L3MBTL4: variants seen among roughly 807,000 people sequenced by gnomAD.
L3MBTL4 encodes the protein L3MBTL histone methyl-lysine binding protein 4, also known as lethal(3)malignant brain tumor-like protein 4.
In L3MBTL4, 70 loss-of-function variants were observed where a neutral mutation model predicts 84.5. That is an observed-to-expected ratio of 0.83 (90% confidence interval 0.68 to 1.01). The LOEUF is 1.01. Ranked by LOEUF, L3MBTL4 falls within the 50% of genes least tolerant of loss-of-function variation. The pLI, the probability that L3MBTL4 is intolerant of heterozygous loss-of-function variation, is 0.00. For missense variants in L3MBTL4, 715 were observed against 754.8 expected, an observed-to-expected ratio of 0.95 and a Z score of 0.62; for synonymous variants, 274 against 259.8, an observed-to-expected ratio of 1.05 and a Z score of -0.52.
intron 5 of L3MBTL4, among the ~76,000 whole-genome samples, chr18:6,250,274 A>T (rs75777644): frequency 0.01 from 1,594 of 152,350 alleles, 28 homozygotes; most frequent in African/African-American, 0.037. Flanking sequence ...GGGCCATAAC[A>T]TGAGGAAAAA....
intron 12 of L3MBTL4, among the ~76,000 whole-genome samples, chr18:6,181,750 G>C (rs894524698): frequency 2.6e-5 from 4 of 151,854 alleles, no homozygotes; most frequent in Admixed American, 6.5e-5. Flanking sequence ...TTATAAGTGA[G>C]AATACGTGGT....
chr18:6,074,619 A>G (rs888615845), intron 16 of L3MBTL4, among the ~76,000 whole-genome samples: 12 of 152,222 alleles, frequency 7.9e-5, no homozygotes, highest in Non-Finnish European at 1.8e-4. Flanking sequence ...TGGTAAATGA[A>G]GCCTGACTAT....
intron 1 of L3MBTL4, chr18:6,396,055 A>C (rs767861232): frequency 3.3e-5 from 5 of 152,224 alleles, no homozygotes; most frequent in Non-Finnish European, 5.9e-5. Flanking sequence ...GAGAAAAAAA[A>C]TAAGAAAGAA....
chr18:6,124,378 A>T (rs1047556715), intron 14 of L3MBTL4, among the ~76,000 whole-genome samples: 1 of 150,416 alleles, frequency 6.6e-6, no homozygotes. Flanking sequence ...TTTAATGAAA[A>T]AAACTATATA....
At chr18:6,151,603 C>T (rs1276716267) in intron 13 of L3MBTL4, among the ~76,000 whole-genome samples, 2 of 152,194 alleles carry the variant, frequency 1.3e-5, no homozygotes, top group African/African-American at 4.8e-5. Context: ...CCATGTTGTC[C>T]AGGCAGGTCT....
At chr18:6,366,211 AT>A (rs1380919378) in intron 1 of L3MBTL4, among the ~76,000 whole-genome samples, 2 of 152,238 alleles carry the variant, frequency 1.3e-5, no homozygotes, top group Non-Finnish European at 2.9e-5. Context: ...CAGACAAGTA[AT>A]TTAATATGTA....
rs151009903 is a variant in L3MBTL4 at position 6,014,402 on chromosome 18, C to T, written c.1445-44840G>A. ...AATTGTTACTGAGCACACAATTATG[C>T]AAGCAACTACAATACAGAATGGTAA... is the stretch of plus-strand genomic sequence containing the variant. On this transcript the variant is annotated intron_variant, in intron 16 of 18. Coordinates refer to ENST00000317931, the MANE Select transcript of L3MBTL4 (RefSeq NM_001330559.2). Among the ~76,000 whole-genome samples the T allele has an allele frequency of 3.0e-3, 461 of 152,230 alleles. 2 individuals are homozygous for T. Among genetic ancestry groups the T allele is most frequent in the African/African-American group, 0.01 (432 of 41,540 alleles).
Position 5,955,597 on chromosome 18 carries a change from T to C in L3MBTL4, c.*623A>G, listed in dbSNP as rs900887211. On this transcript the variant is annotated 3_prime_UTR_variant, in exon 19 of 19. Coordinates refer to ENST00000317931, the MANE Select transcript of L3MBTL4 (RefSeq NM_001330559.2). ...TCCTTTGTGGAGGCTCCAGGAAAGC[T>C]TGGGAGCACAACCAAGAAATGGTTA... The C allele has an allele frequency of 2.0e-5, 3 of 152,196 alleles. No individual in the cohort carries two copies. The highest frequency in any genetic ancestry group is 6.5e-5 in the Admixed American group (1 of 15,278). The allele number at this position is 152,196 out of a possible 1,614,324, so 9.4% of individuals were successfully genotyped here.
At chr18:6,371,367 G>C (rs555898558) in intron 1 of L3MBTL4, among the ~76,000 whole-genome samples, 14 of 152,274 alleles carry the variant, frequency 9.2e-5, no homozygotes, top group African/African-American at 3.4e-4. Context: ...TTTTGATGAG[G>C]GTGGAAGACA....
Position 6,080,946 on chromosome 18 carries a change from A to G in L3MBTL4, c.1379T>C (p.Val460Ala). ...HEKVNSQPRL[V>A]QQAKCLKIKG... ...GATTTTCAAACACTTTGCCTGCTGTACAAGTCTGGGCAAAGAACAGAAATA... is the reference window on the plus strand; with the variant it reads ...GATTTTCAAACACTTTGCCTGCTGTGCAAGTCTGGGCAAAGAACAGAAATA... The change falls in exon 16 of 19, where the codon GTA (valine) becomes GCA (alanine). Residue 460 changes from valine (V) to alanine (A), a missense_variant. Val to Ala is a moderately conservative substitution (Grantham distance 64, BLOSUM62 0). Transcript: ENST00000317931. The G allele has an allele frequency of 6.2e-7, 1 of 1,603,014 alleles. No homozygotes were observed. The highest frequency in any genetic ancestry group is 2.2e-5 in the East Asian group (1 of 44,790).
chr18:6,249,488 A>G lies in L3MBTL4; in HGVS notation c.220-4900T>C, dbSNP rs571681070. On this transcript the variant is annotated intron_variant, in intron 5 of 18. Coordinates refer to ENST00000317931, the MANE Select transcript of L3MBTL4 (RefSeq NM_001330559.2). ...GTCAGCCTTTCAAATTGGTTTCCCA[A>G]TGGAACATTTGGGAGCTTTCCATAA... Among the ~76,000 whole-genome samples, 5 of 152,326 alleles carry G rather than the reference A, an allele frequency of 3.3e-5. No individual in the cohort carries two copies. In the South Asian group the frequency reaches 6.2e-4, roughly 19 times the overall value.
chr18:6,098,379 C>T (rs1363470974), intron 14 of L3MBTL4, among the ~76,000 whole-genome samples: 1 of 152,194 alleles, frequency 6.6e-6, no homozygotes, highest in African/African-American at 2.4e-5. Flanking sequence ...GGCTCTAAGC[C>T]CCCTCTTGTT....
At chr18:6,349,902 G>C (rs1014879445) in intron 1 of L3MBTL4, among the ~76,000 whole-genome samples, 3 of 151,980 alleles carry the variant, frequency 2.0e-5, no homozygotes, top group African/African-American at 4.8e-5. Context: ...CTGAATGCTG[G>C]TTTTCCAGAT....
At chr18:6,246,086 A>G (rs1458662459) in intron 5 of L3MBTL4, among the ~76,000 whole-genome samples, 1 of 152,218 alleles carries the variant, frequency 6.6e-6, no homozygotes, top group Non-Finnish European at 1.5e-5. Context: ...TGGTTTCTAC[A>G]TACTTGTAGG....
intron 17 of L3MBTL4, among the ~76,000 whole-genome samples, chr18:5,969,005 T>A (rs1380568786): frequency 6.6e-6 from 1 of 152,164 alleles, no homozygotes; most frequent in Non-Finnish European, 1.5e-5. Flanking sequence ...CTGGGCACCT[T>A]TCCCAGAGCA....
chr18:6,294,564 A>C lies in L3MBTL4; in HGVS notation c.127+7339T>G, dbSNP rs538890690. ...GAATGAGCAAAACCCACAGGAAGGA[A>C]GATGGGGATGTTTACTCAGCAGGAG... is the stretch of plus-strand genomic sequence containing the variant. On this transcript the variant is annotated intron_variant, in intron 4 of 18. Coordinates refer to ENST00000317931, the MANE Select transcript of L3MBTL4 (RefSeq NM_001330559.2). Among the ~76,000 whole-genome samples, 6 of 152,350 alleles carry C rather than the reference A, an allele frequency of 3.9e-5. No homozygotes were observed. The South Asian group carries it at 1.2e-3, about 32-fold the overall frequency.
At chr18:6,029,285 G>A (rs1470800997) in intron 16 of L3MBTL4, 2 of 253,428 alleles carry the variant, frequency 7.9e-6, no homozygotes, top group Non-Finnish European at 1.2e-5. Flanking sequence ...GACCCTGTCT[G>A]CCCAGGAGTA....
chr18:5,961,717 G>A (rs948642265), intron 17 of L3MBTL4, among the ~76,000 whole-genome samples: 3 of 151,892 alleles, frequency 2.0e-5, no homozygotes, highest in African/African-American at 4.8e-5. Context: ...TAATTCACCT[G>A]AGAACCTGAC....
At chr18:6,407,484 C>A (rs4797242) in intron 1 of L3MBTL4, among the ~76,000 whole-genome samples, 36,045 of 152,170 alleles carry the variant, frequency 0.24, 5,265 homozygotes, top group East Asian at 0.42. Context: ...TCCAATAATT[C>A]ACCTTTATGA....
Sources: gnomAD v4.1 joint callset for allele counts (sites outside exome capture counted in the v4.1 genomes callset) on GRCh38, gnomAD v4.1.1 for gene constraint, MANE v1.5 for transcripts, NCBI Gene and HGNC (gene_info 2026-07-23, HGNC 2026-07-21) for gene names.